The following RPS6KC1 variants were observed in gnomAD, a reference collection of about 807,000 sequenced individuals.
RPS6KC1 encodes inactive ribosomal protein S6 kinase delta-1.
A neutral mutation model predicts 103.8 loss-of-function variants in RPS6KC1; 54 were observed. The observed-to-expected ratio is 0.52, with a 90% CI of 0.42 to 0.65. The LOEUF (loss-of-function observed/expected upper bound fraction) is 0.65. Ranked by LOEUF, RPS6KC1 falls within the 30% of genes least tolerant of loss-of-function variation. The probability of loss-of-function intolerance (pLI) is 0.00; values close to 1 mark genes in which losing one functional copy is unlikely to be tolerated. For synonymous variants in RPS6KC1, 439 were observed against 438.7 expected, an observed-to-expected ratio of 1.00 and a Z score of -0.01; for missense variants, 1,151 against 1,253.8, an observed-to-expected ratio of 0.92 and a Z score of 1.24.
the RPS6KC1 span, among the ~76,000 whole-genome samples, chr1:213,698,770 T>G: frequency 2.6e-5 from 4 of 152,192 alleles, no homozygotes; most frequent in Admixed American, 6.5e-5. Flanking sequence ...ATGTGAATAC[T>G]GTATTTCTTT....
At chr1:213,553,208 G>C in the RPS6KC1 span, among the ~76,000 whole-genome samples, 2 of 151,752 alleles carry the variant, frequency 1.3e-5, no homozygotes, top group African/African-American at 4.8e-5. Flanking sequence ...TCCCTTTTTT[G>C]TGTCCATGTG....
the RPS6KC1 span, among the ~76,000 whole-genome samples, chr1:213,649,243 G>A: frequency 3.6e-5 from 5 of 138,820 alleles, no homozygotes; most frequent in East Asian, 2.0e-4. Flanking sequence ...CTATGAGTAC[G>A]TTCAAGTCTC....
chr1:213,453,570 A>C, the RPS6KC1 span, among the ~76,000 whole-genome samples: 2 of 152,146 alleles, frequency 1.3e-5, no homozygotes, highest in Non-Finnish European at 2.9e-5. Flanking sequence ...TGAGTACAAG[A>C]ATAGTGAGCC....
Position 213,150,295 on chromosome 1 carries a change from GTTAT to G in RPS6KC1, c.836-17532_836-17529del, listed in dbSNP as rs138250765. On this transcript the variant is annotated intron_variant, in intron 6 of 14. Transcript: ENST00000366960. ...TTATTTTTTTGTATGTACATTATATGTTATTTATTTATTTATTTATTTATTTATT... is the reference window on the plus strand; with the variant it reads ...TTATTTTTTTGTATGTACATTATATGTTATTTATTTATTTATTTATTTATT... 3.2e-3 allele frequency among the ~76,000 whole-genome samples: 475 copies of G among 148,074 alleles called. 3 individuals are homozygous for G. The highest frequency in any genetic ancestry group is 6.9e-3 in the Middle Eastern group (2 of 290).
At chr1:213,418,051 G>A in the RPS6KC1 span, among the ~76,000 whole-genome samples, 9,016 of 152,216 alleles carry the variant, frequency 0.059, 402 homozygotes, top group South Asian at 0.19. Flanking sequence ...GCTTCCATGG[G>A]AGCAAACCCC....
At chr1:213,307,304 G>T in the RPS6KC1 span, among the ~76,000 whole-genome samples, 1,542 of 152,168 alleles carry the variant, frequency 0.01, 18 homozygotes, top group Non-Finnish European at 0.014. Context: ...GCCCGCCTCG[G>T]CCTCCCATAG....
intron 8 of RPS6KC1, among the ~76,000 whole-genome samples, chr1:213,217,169 A>G (rs991373793): frequency 2.6e-5 from 4 of 151,780 alleles, no homozygotes; most frequent in Admixed American, 2.0e-4. Context: ...AATAGACACA[A>G]TAAAAAATGA....
the RPS6KC1 span, among the ~76,000 whole-genome samples, chr1:213,765,908 G>C: frequency 6.6e-6 from 1 of 152,204 alleles, no homozygotes; most frequent in Non-Finnish European, 1.5e-5. Context: ...TTTAAACCAA[G>C]TGATGATGGG....
chr1:213,250,087 C>G (rs1367323467), intron 12 of RPS6KC1, among the ~76,000 whole-genome samples: 1 of 152,134 alleles, frequency 6.6e-6, no homozygotes, highest in Admixed American at 6.5e-5. Context: ...ACAGCAGGCC[C>G]AGGGATTCAG....
the RPS6KC1 span, among the ~76,000 whole-genome samples, chr1:213,555,494 A>G: frequency 0.77 from 117,326 of 151,928 alleles, 46,102 homozygotes; most frequent in East Asian, 0.98. Context: ...ACAGGGTCCC[A>G]CTCTGTCACT....
chr1:213,750,794 G>T, the RPS6KC1 span, among the ~76,000 whole-genome samples: 1 of 152,172 alleles, frequency 6.6e-6, no homozygotes, highest in African/African-American at 2.4e-5. Context: ...ATATGGTTGA[G>T]TTCCAGCCCT....
At position 213,124,769 on chromosome 1, in the gene RPS6KC1, A is replaced by G. The variant is rs576570808; in HGVS notation, c.473-4758A>G. 3.3e-5 allele frequency among the ~76,000 whole-genome samples: 5 copies of G among 152,254 alleles called. No homozygotes were observed. The East Asian group carries it at 5.8e-4, about 18-fold the overall frequency. ...AACTGCTTAAATATGGAAGAGAAAGATATCAGTGAGTACTAGAAGATGATT... is the reference window on the plus strand; with the variant it reads ...AACTGCTTAAATATGGAAGAGAAAGGTATCAGTGAGTACTAGAAGATGATT... On this transcript the variant is annotated intron_variant, in intron 5 of 14. Transcript: ENST00000366960.
At chr1:213,650,455 G>A in the RPS6KC1 span, among the ~76,000 whole-genome samples, 65 of 152,286 alleles carry the variant, frequency 4.3e-4, no homozygotes, top group Non-Finnish European at 8.2e-4. Flanking sequence ...TGCTCATGGA[G>A]GCACAAGCTC....
At chr1:213,815,818 G>A in the RPS6KC1 span, among the ~76,000 whole-genome samples, 224 of 152,228 alleles carry the variant, frequency 1.5e-3, 3 homozygotes, top group African/African-American at 5.1e-3. Flanking sequence ...CACAACTTCT[G>A]TAACTGGTGC....
the RPS6KC1 span, among the ~76,000 whole-genome samples, chr1:213,749,880 T>A: frequency 5.3e-5 from 8 of 152,206 alleles, no homozygotes; most frequent in Non-Finnish European, 1.2e-4. Context: ...GCATCTGATG[T>A]TGGAGGACTA....
the RPS6KC1 span, chr1:213,818,213 C>T: frequency 6.6e-6 from 1 of 152,226 alleles, no homozygotes. Context: ...AAGGGTCACA[C>T]ATTTTCCACG....
the RPS6KC1 span, among the ~76,000 whole-genome samples, chr1:213,481,442 C>T: frequency 6.6e-6 from 1 of 152,148 alleles, no homozygotes; most frequent in Non-Finnish European, 1.5e-5. Context: ...GACCATGACT[C>T]GTTTCATGAG....
chr1:213,525,191 C>A, the RPS6KC1 span, among the ~76,000 whole-genome samples: 1 of 152,210 alleles, frequency 6.6e-6, no homozygotes, highest in South Asian at 2.1e-4. Flanking sequence ...TGGCTTGAAT[C>A]AGGATGGGAA....
At chr1:213,090,577 C>A (rs143366260) in intron 3 of RPS6KC1, among the ~76,000 whole-genome samples, 133 of 152,282 alleles carry the variant, frequency 8.7e-4, no homozygotes, top group African/African-American at 3.0e-3. Flanking sequence ...CATACAGTTT[C>A]TTTGGAGGGC....
Sources: allele counts gnomAD v4.1 joint callset (sites outside exome capture counted in the v4.1 genomes callset), GRCh38; gene constraint gnomAD v4.1.1; transcripts MANE v1.5; gene names NCBI Gene and HGNC (gene_info 2026-07-23, HGNC 2026-07-21).